CCDC73: variants seen among roughly 807,000 people sequenced by gnomAD.
The protein encoded by CCDC73 is coiled-coil domain containing 73.
Under a neutral mutation model 116.5 loss-of-function variants are expected in CCDC73, and 95 were observed. That is an observed-to-expected ratio of 0.82 (90% confidence interval 0.69 to 0.97). The LOEUF is 0.97. Among genes scored for constraint, CCDC73 ranks in the 50% least tolerant of loss-of-function variants. CCDC73 has a pLI of 0.00. For missense variants in CCDC73, 1,066 were observed against 1,206.8 expected (o/e 0.88, Z 1.73); for synonymous variants, 398 against 401.3 (o/e 0.99, Z 0.10).
chr11:32,614,934 G>C lies in CCDC73; in HGVS notation c.1384C>G (p.Leu462Val). ...IEEIIIDDLQ[L>V]FEKSFKNEID... Reference sequence around the variant, plus strand: ...TCATTCTTGAAGCTTTTTTCAAAAAGCTGTAAATCTGTCATGATGGGAACA... The same window carrying C: ...TCATTCTTGAAGCTTTTTTCAAAAACCTGTAAATCTGTCATGATGGGAACA... The change falls in exon 16 of 18, where the codon CTT becomes GTT. Residue 462 changes from leucine (L) to valine (V), a missense_variant. Leu to Val is a conservative substitution (Grantham distance 32, BLOSUM62 1). Coordinates refer to ENST00000335185, the MANE Select transcript of CCDC73 (RefSeq NM_001008391.4). 1 of 1,595,916 alleles carries C rather than the reference G, an allele frequency of 6.3e-7. No individual in the cohort carries two copies. Among genetic ancestry groups the C allele is most frequent in the Non-Finnish European group, 8.5e-7 (1 of 1,173,640 alleles).
chr11:32,657,110 G>A (rs72910965), intron 9 of CCDC73, among the ~76,000 whole-genome samples: 3,055 of 152,230 alleles, frequency 0.02, 50 homozygotes, highest in Non-Finnish European at 0.032. Flanking sequence ...GAGAAATAAA[G>A]TCAACTGAGA....
At chr11:32,652,327 AAAAAC>A (rs147061574) in intron 12 of CCDC73, among the ~76,000 whole-genome samples, 16,122 of 150,454 alleles carry the variant, frequency 0.11, 1,117 homozygotes, top group African/African-American at 0.19. Flanking sequence ...AGAAAGAAAG[AAAAAC>A]AAAACAAAAC....
chr11:32,706,238 G>T (rs145470236), intron 3 of CCDC73, among the ~76,000 whole-genome samples: 4 of 152,136 alleles, frequency 2.6e-5, no homozygotes, highest in African/African-American at 4.8e-5. Flanking sequence ...TCAGGGATAG[G>T]TTCCTTGAGG....
In CCDC73 at chr11:32,723,220, CAAA is replaced by C. The variant is rs1850005157; in HGVS notation, c.136-5076_136-5074del. On this transcript the variant is annotated intron_variant, in intron 2 of 17. Transcript: ENST00000335185. ...CTAGAAATATTTGTTGAATGAAAAA[CAAA>C]AGAATGTAAGAATTGCTATGAATTT... Among the ~76,000 whole-genome samples, 7 of 152,082 alleles carry C rather than the reference CAAA, an allele frequency of 4.6e-5. No homozygotes were observed. The South Asian group carries it at 1.5e-3, about 32-fold the overall frequency.
chr11:32,746,814 G>C (rs1436836607), intron 2 of CCDC73, among the ~76,000 whole-genome samples: 1 of 152,100 alleles, frequency 6.6e-6, no homozygotes, highest in African/African-American at 2.4e-5. Context: ...GGTTATTCTA[G>C]TTAGCCATTT....
At chr11:32,622,890 G>A (rs980152112) in intron 14 of CCDC73, among the ~76,000 whole-genome samples, 2 of 151,324 alleles carry the variant, frequency 1.3e-5, no homozygotes, top group African/African-American at 4.9e-5. Context: ...TATAATAGAA[G>A]AAAAGGAAAA....
intron 1 of CCDC73, among the ~76,000 whole-genome samples, chr11:32,789,046 AATTAG>A (rs1850650976): frequency 6.6e-6 from 1 of 152,220 alleles, no homozygotes; most frequent in Admixed American, 6.5e-5. Flanking sequence ...TTCAACAGCA[AATTAG>A]ATAAGATAGT....
intron 1 of CCDC73, among the ~76,000 whole-genome samples, chr11:32,776,418 C>T (rs1850532814): frequency 6.6e-6 from 1 of 152,044 alleles, no homozygotes; most frequent in Admixed American, 6.6e-5. Context: ...CAGGGTTCCC[C>T]ACTTTCTAGT....
At chr11:32,641,641 C>T (rs945343385) in intron 13 of CCDC73, among the ~76,000 whole-genome samples, 3 of 151,130 alleles carry the variant, frequency 2.0e-5, no homozygotes, top group African/African-American at 7.3e-5. Flanking sequence ...AAATACTATG[C>T]AATGGTTTTA....
At chr11:32,663,961 T>C (rs1303921781) in intron 9 of CCDC73, among the ~76,000 whole-genome samples, 2 of 152,244 alleles carry the variant, frequency 1.3e-5, no homozygotes, top group Non-Finnish European at 2.9e-5. Context: ...TCGTTGGTTC[T>C]GTTTATATGC....
At chr11:32,751,106 G>T (rs145329512) in intron 2 of CCDC73, among the ~76,000 whole-genome samples, 89 of 152,256 alleles carry the variant, frequency 5.8e-4, no homozygotes, top group African/African-American at 1.9e-3. Flanking sequence ...TAGAAATGTT[G>T]TCTGGGAGTT....
chr11:32,775,441 T>C (rs1469402751), intron 1 of CCDC73, among the ~76,000 whole-genome samples: 2 of 152,146 alleles, frequency 1.3e-5, no homozygotes, highest in Admixed American at 6.5e-5. Flanking sequence ...TTTTATTTTC[T>C]CCAGAGCACT....
At chr11:32,762,605 A>G (rs551861568) in intron 1 of CCDC73, among the ~76,000 whole-genome samples, 242 of 152,254 alleles carry the variant, frequency 1.6e-3, no homozygotes, top group Middle Eastern at 0.014. Context: ...AGGAAAAGAA[A>G]AGGGAGGGAG....
intron 14 of CCDC73, among the ~76,000 whole-genome samples, chr11:32,629,593 T>A (rs1166535062): frequency 6.6e-6 from 1 of 151,790 alleles, no homozygotes; most frequent in East Asian, 1.9e-4. Flanking sequence ...AGAGACGGGG[T>A]TTCACCGTGT....
At chr11:32,737,273 G>GTGTGTGTGTA (rs1341655491) in intron 2 of CCDC73, among the ~76,000 whole-genome samples, 53 of 131,738 alleles carry the variant, frequency 4.0e-4, no homozygotes, top group South Asian at 1.5e-3. Context: ...GTGTGTGTGT[G>GTGTGTGTGTA]TATATACATG....
At chr11:32,626,372 A>G (rs1188958710) in intron 14 of CCDC73, among the ~76,000 whole-genome samples, 2 of 151,978 alleles carry the variant, frequency 1.3e-5, no homozygotes, top group Admixed American at 6.6e-5. Context: ...GGGTAGGAAT[A>G]ATCAATATCG....
intron 1 of CCDC73, among the ~76,000 whole-genome samples, chr11:32,788,637 G>C (rs568531708): frequency 4.6e-5 from 7 of 152,178 alleles, no homozygotes; most frequent in Non-Finnish European, 7.4e-5. Context: ...ACAACACCCA[G>C]CTAATTTTTG....
chr11:32,723,070 C>T (rs1046425417), intron 2 of CCDC73, among the ~76,000 whole-genome samples: 3 of 152,064 alleles, frequency 2.0e-5, no homozygotes, highest in African/African-American at 7.2e-5. Flanking sequence ...TATTCCTTTC[C>T]TTCAAAAACT....
At chr11:32,713,278 C>T (rs1849917813) in intron 3 of CCDC73, among the ~76,000 whole-genome samples, 1 of 152,080 alleles carries the variant, frequency 6.6e-6, no homozygotes, top group Non-Finnish European at 1.5e-5. Flanking sequence ...AGAACTTATT[C>T]TATTCAGCAA....
Sources: allele counts gnomAD v4.1 joint callset (sites outside exome capture counted in the v4.1 genomes callset), GRCh38; gene constraint gnomAD v4.1.1; transcripts MANE v1.5; gene names NCBI Gene and HGNC (gene_info 2026-07-23, HGNC 2026-07-21).